The following AHCTF1 variants were observed in gnomAD, a reference collection of about 807,000 sequenced individuals.
The protein encoded by AHCTF1 is protein ELYS.
A neutral mutation model predicts 248.4 loss-of-function variants in AHCTF1; 24 were observed. That is an observed-to-expected ratio of 0.10 (90% CI 0.07 to 0.14). AHCTF1 has a LOEUF of 0.14. AHCTF1 is among the 10% of genes least tolerant of loss of function. The pLI is 1.00. For missense variants in AHCTF1, 2,206 were observed against 2,636.2 expected (o/e 0.84, Z 3.57); for synonymous variants, 786 against 929.8 (o/e 0.85, Z 2.81).
rs980369672 is a variant in AHCTF1, at chr1:246,900,590, C to G, written c.1118-121G>C. ...GGTTTAATTCATATTTCACTTGATT[C>G]ATCAAAACGCATTTCTATCATTTGT... On this transcript the variant is annotated intron_variant, in intron 8 of 35. Coordinates refer to ENST00000648844, the MANE Select transcript of AHCTF1 (RefSeq NM_001323342.2). The G allele has an allele frequency of 1.5e-5, 15 of 1,016,612 alleles. No individual in the cohort carries two copies. The African/African-American group carries it at 2.5e-4, about 17-fold the overall frequency. The allele number at this position is 1,016,612 out of a possible 1,614,324, so 63.0% of individuals were successfully genotyped here. A position where few individuals can be genotyped will look rare whatever the true frequency, so the allele number is the denominator to read the frequency against.
chr1:246,867,569 T>C, intron 25 of AHCTF1, 92 bp downstream of exon 25: 7 of 1,473,490 alleles, frequency 4.8e-6, no homozygotes, highest in Non-Finnish European at 6.5e-6. Context: ...ACTAATAAAC[T>C]TAGGCAAAGA....
Position 246,863,944 on chromosome 1 carries a change from C to G in AHCTF1, c.3520G>C (p.Glu1174Gln), listed in dbSNP as rs1661760930. The change falls in exon 27 of 36, where the codon GAA (glutamate) becomes CAA (glutamine). Residue 1174 changes from glutamate (E) to glutamine (Q), a missense_variant. Glu to Gln is a conservative substitution (Grantham distance 29). Coordinates refer to ENST00000648844, the MANE Select transcript of AHCTF1 (RefSeq NM_001323342.2). ...ISRASELHLL[E>Q]TPLVVKKAKS... The stretch of plus-strand genomic sequence containing the variant: ...CTAACCTTAACTACAAGAGGAGTTT[C>G]AAGCAAATGTAATTCTGAAGCCCTG... 1.2e-6 allele frequency: 2 copies of G among 1,613,988 alleles called. No individual in the cohort carries two copies. The highest frequency in any genetic ancestry group is 2.2e-5 in the South Asian group (2 of 91,076).
intron 33 of AHCTF1, among the ~76,000 whole-genome samples, chr1:246,847,481 G>A (rs967694900): frequency 6.6e-6 from 1 of 152,110 alleles, no homozygotes; most frequent in East Asian, 1.9e-4. Context: ...CTATTTTAGA[G>A]TTTTCAGTAA....
intron 2 of AHCTF1, among the ~76,000 whole-genome samples, chr1:246,917,147 C>T (rs140268617): frequency 6.6e-6 from 1 of 152,298 alleles, no homozygotes; most frequent in East Asian, 1.9e-4. Context: ...AGGAGAAGCA[C>T]AGAGTAGCCG....
chr1:246,842,595 A>AAAAAT, intron 35 of AHCTF1, 99 bp downstream of exon 35: 3 of 942,530 alleles, frequency 3.2e-6, no homozygotes, highest in South Asian at 2.9e-5. Context: ...AAAAATAAAT[A>AAAAAT]AAAATAAAAT....
At position 246,899,512 on chromosome 1, in the gene AHCTF1, T is replaced by C. The variant is rs1000698247; in HGVS notation, c.1433A>G (p.Asp478Gly). Residue 478 changes from aspartate to glycine, a missense_variant and splice_region_variant, in exon 11 of 36, where the codon GAT (aspartate) becomes GGT (glycine). Around this residue, in one of 6 missense-constraint regions of AHCTF1, gnomAD observed 650 missense variants for 870.8 expected, o/e 0.75. Transcript: ENST00000648844. Reference protein sequence around the residue: ...QFFNPSTYNFDATCLLNSGVV... With the variant: ...QFFNPSTYNFGATCLLNSGVV... Reference sequence around the variant, plus strand: ...TCCCGAGTTTAACAAACAAGTGGCATCTAAAAAAAAGATTTAAAAAATAAT... The same window carrying C: ...TCCCGAGTTTAACAAACAAGTGGCACCTAAAAAAAAGATTTAAAAAATAAT... 2.5e-6 allele frequency: 4 copies of C among 1,605,884 alleles called. No individual in the cohort carries two copies. The highest frequency in any genetic ancestry group is 2.3e-5 in the East Asian group (1 of 44,426).
intron 24 of AHCTF1, among the ~76,000 whole-genome samples, chr1:246,868,867 T>G (rs568551864): frequency 2.8e-5 from 4 of 143,292 alleles, no homozygotes; most frequent in Non-Finnish European, 6.0e-5. Flanking sequence ...TTTTTTGAGA[T>G]GGAGTCTCGC....
chr1:246,903,660 CCCT>C lies in AHCTF1; in HGVS notation c.966+286_966+288del, dbSNP rs1279204047. Among the ~76,000 whole-genome samples the C allele has an allele frequency of 5.9e-4, 69 of 117,214 alleles. 2 individuals are homozygous for C. Among genetic ancestry groups the C allele is most frequent in the African/African-American group, 2.0e-3 (58 of 29,242 alleles). The allele number at this position is 117,214 out of a possible 152,430, so 76.9% of individuals were successfully genotyped here. ...CTGGCCAAGATGGTGAGACCCCCCC[CCCT>C]CCGTCTCTGCTAAATATACAAAAAA... is the stretch of plus-strand genomic sequence containing the variant. On this transcript the variant is annotated intron_variant, in intron 7 of 35. Transcript: ENST00000648844.
intron 4 of AHCTF1, among the ~76,000 whole-genome samples, chr1:246,909,897 T>C (rs1050869615): frequency 6.6e-6 from 1 of 152,186 alleles, no homozygotes; most frequent in African/African-American, 2.4e-5. Context: ...CAATCAAAAA[T>C]GTCTTCTAAC....
At chr1:246,931,061 C>G in intron 1 of AHCTF1, 1 of 1,533,382 alleles carries the variant, frequency 6.5e-7, no homozygotes, top group Admixed American at 2.1e-5. Context: ...TTGATCTGAC[C>G]AATCGGGTGA....
At chr1:246,876,893 A>C (rs1440921542) in intron 23 of AHCTF1, 57 bp downstream of exon 23, 1 of 1,585,062 alleles carries the variant, frequency 6.3e-7, no homozygotes. Context: ...ACAACCAAAA[A>C]AGCCTCCAGT....
At chr1:246,885,449 A>G (rs375232044) in intron 21 of AHCTF1, 44 bp downstream of exon 21, 2 of 1,483,268 alleles carry the variant, frequency 1.3e-6, no homozygotes, top group Non-Finnish European at 1.8e-6. Flanking sequence ...CCATTTTATT[A>G]ACAGATACGA....
In AHCTF1 at chr1:246,931,478, CCCGCCGCCG is replaced by C. The variant is rs754285823; in HGVS notation, c.-8+91_-8+99del. 980 of 531,312 alleles carry C rather than the reference CCCGCCGCCG, an allele frequency of 1.8e-3. 3 individuals carry two copies. The highest frequency in any genetic ancestry group is 5.1e-3 in the Admixed American group (81 of 15,926). 32.9% of individuals were successfully genotyped at this position (531,312 alleles called of 1,614,324 possible). A position where few individuals can be genotyped will look rare whatever the true frequency, so the allele number is the denominator to read the frequency against. On this transcript the variant is annotated intron_variant, in intron 1 of 35. Coordinates refer to ENST00000648844, the MANE Select transcript of AHCTF1 (RefSeq NM_001323342.2). ...GGCCCGGCGCTCGCGGGGCAGAAGC[CCCGCCGCCG>C]CCGCCGCCGCCGCCGCCGCCGCCGC...
chr1:246,899,798 G>A (rs1403289866), intron 10 of AHCTF1, among the ~76,000 whole-genome samples: 2 of 152,132 alleles, frequency 1.3e-5, no homozygotes, highest in Admixed American at 6.6e-5. Context: ...ATGTGAAACA[G>A]TTAATATCTT....
In AHCTF1 at chr1:246,841,015, T is replaced by C. The variant is rs574644404; in HGVS notation, c.6609-17A>G. On this transcript the variant is annotated splice_polypyrimidine_tract_variant and intron_variant, in intron 35 of 35. Transcript: ENST00000648844. ...TCTGTGTTTCTGAAAAAAAAAGATA[T>C]GATCAAGTAAGAATAAACACATTAT... 11 of 1,586,242 alleles carry C rather than the reference T, an allele frequency of 6.9e-6. No individual in the cohort carries two copies. The African/African-American group carries it at 1.1e-4, about 16-fold the overall frequency.
At chr1:246,930,087 A>T (rs903728400) in intron 1 of AHCTF1, among the ~76,000 whole-genome samples, 3 of 152,116 alleles carry the variant, frequency 2.0e-5, no homozygotes, top group South Asian at 2.1e-4. Flanking sequence ...CCTATGAAAA[A>T]GGAGAAGCAT....
rs539635710 is a variant in AHCTF1 at position 246,858,378 on chromosome 1, C to A, written c.4133-564G>T. On this transcript the variant is annotated intron_variant, in intron 29 of 35. Transcript: ENST00000648844. ...TTTTATATACATTAACTTACTTAATCCTCAACATTCAAAAAAAGTAGATAA... is the reference window on the plus strand; with the variant it reads ...TTTTATATACATTAACTTACTTAATACTCAACATTCAAAAAAAGTAGATAA... 2.6e-5 allele frequency among the ~76,000 whole-genome samples: 4 copies of A among 152,266 alleles called. No homozygotes were observed. In the South Asian group the frequency reaches 8.3e-4, roughly 32 times the overall value.
chr1:246,852,680 G>T (rs1228557862), intron 32 of AHCTF1, among the ~76,000 whole-genome samples: 1 of 152,078 alleles, frequency 6.6e-6, no homozygotes, highest in South Asian at 2.1e-4. Context: ...ATTTGAACCA[G>T]ATCAGCAAAA....
intron 14 of AHCTF1, 137 bp downstream of exon 14, chr1:246,894,522 A>G (rs1664431405): frequency 2.8e-6 from 2 of 708,374 alleles, no homozygotes; most frequent in African/African-American, 1.8e-5. Context: ...TAGCCTGGCG[A>G]CAGAGCAAGA....
Sources: gnomAD v4.1 joint callset for allele counts (sites outside exome capture counted in the v4.1 genomes callset) on GRCh38, gnomAD v4.1.1 for gene constraint, gnomAD v4.1.1 regional missense constraint, MANE v1.5 for transcripts, NCBI Gene and HGNC (gene_info 2026-07-23, HGNC 2026-07-21) for gene names.